The following RGS7 variants were observed in gnomAD, a reference collection of about 807,000 sequenced individuals.
RGS7 encodes regulator of G protein signaling 7.
Under a neutral mutation model 81.1 loss-of-function variants are expected in RGS7, and 27 were observed. That is an observed-to-expected ratio of 0.33 (90% CI 0.25 to 0.46). The LOEUF is 0.46. Ranked by LOEUF, RGS7 falls within the 20% of genes least tolerant of loss-of-function variation. The pLI is 1.00. For missense variants in RGS7, 396 were observed against 607.4 expected (o/e 0.65, Z 3.66); for synonymous variants, 208 against 207.7 (o/e 1.00, Z -0.01).
intron 6 of RGS7, among the ~76,000 whole-genome samples, chr1:240,887,122 A>G (rs566322673): frequency 6.6e-6 from 1 of 152,254 alleles, no homozygotes; most frequent in South Asian, 2.1e-4. Context: ...ATTACTAGAT[A>G]TATTGTACTT....
chr1:240,849,398 G>A (rs1659678665), intron 9 of RGS7, among the ~76,000 whole-genome samples: 2 of 152,100 alleles, frequency 1.3e-5, no homozygotes, highest in African/African-American at 4.8e-5. Context: ...TCCTCTCAAA[G>A]AAAAAGAAGT....
chr1:240,890,856 C>T (rs891657049), intron 6 of RGS7, among the ~76,000 whole-genome samples: 2 of 152,146 alleles, frequency 1.3e-5, no homozygotes, highest in Non-Finnish European at 2.9e-5. Context: ...ATATTTAGTA[C>T]AATCTCTGAT....
chr1:241,310,264 T>G (rs1374783023), intron 2 of RGS7, among the ~76,000 whole-genome samples: 1 of 152,210 alleles, frequency 6.6e-6, no homozygotes, highest in Non-Finnish European at 1.5e-5. Flanking sequence ...TTGACTGAAG[T>G]AGCACCCTGT....
At chr1:241,107,000 G>C (rs2065165325) in intron 2 of RGS7, among the ~76,000 whole-genome samples, 1 of 151,744 alleles carries the variant, frequency 6.6e-6, no homozygotes, top group Admixed American at 6.6e-5. Flanking sequence ...CACTGTGTTT[G>C]TTGGGATTAC....
At chr1:241,230,887 G>A (rs528750709) in intron 2 of RGS7, among the ~76,000 whole-genome samples, 1 of 152,308 alleles carries the variant, frequency 6.6e-6, no homozygotes, top group South Asian at 2.1e-4. Flanking sequence ...GAGCAAATTT[G>A]TCTACTGAGA....
Position 241,319,964 on chromosome 1 carries a change from G to A in RGS7, c.78+35735C>T, listed in dbSNP as rs577810458. On this transcript the variant is annotated intron_variant, in intron 2 of 18. Transcript: ENST00000440928. The stretch of plus-strand genomic sequence containing the variant: ...AAATTAGCTGGGCCTGGTGGTGTGC[G>A]CCTTTAATCCCAGCTACTCAGGAGG... Among the ~76,000 whole-genome samples, 188 of 152,088 alleles carry A rather than the reference G, an allele frequency of 1.2e-3. No homozygotes were observed. In the Middle Eastern group the frequency reaches 0.021, roughly 17 times the overall value.
intron 2 of RGS7, among the ~76,000 whole-genome samples, chr1:241,288,870 T>C (rs2078953624): frequency 6.6e-6 from 1 of 152,176 alleles, no homozygotes; most frequent in Non-Finnish European, 1.5e-5. Flanking sequence ...CACAGAAATG[T>C]TCCCTACCTG....
intron 2 of RGS7, among the ~76,000 whole-genome samples, chr1:241,140,676 G>T (rs1204478693): frequency 2.0e-5 from 3 of 152,124 alleles, no homozygotes; most frequent in Non-Finnish European, 4.4e-5. Flanking sequence ...CTCTCAAAAT[G>T]CTGAGAATAC....
intron 2 of RGS7, among the ~76,000 whole-genome samples, chr1:241,125,964 A>G (rs1055373676): frequency 1.3e-5 from 2 of 152,170 alleles, no homozygotes; most frequent in African/African-American, 4.8e-5. Context: ...ATGGAAGTTA[A>G]GTGACTCCCA....
chr1:241,170,256 T>TA (rs1360757101), intron 2 of RGS7, among the ~76,000 whole-genome samples: 2 of 152,226 alleles, frequency 1.3e-5, no homozygotes, highest in African/African-American at 4.8e-5. Flanking sequence ...AGATTTGAAA[T>TA]AACAGATAAA....
chr1:241,113,539 C>T (rs564017583), intron 2 of RGS7, among the ~76,000 whole-genome samples: 3 of 152,206 alleles, frequency 2.0e-5, no homozygotes, highest in East Asian at 3.9e-4. Flanking sequence ...AATTAAAATA[C>T]TGACTATATT....
At chr1:241,024,604 T>C (rs1417469669) in intron 3 of RGS7, among the ~76,000 whole-genome samples, 1 of 152,144 alleles carries the variant, frequency 6.6e-6, no homozygotes, top group Non-Finnish European at 1.5e-5. Flanking sequence ...TCAAATCAAA[T>C]ATAAATGTCA....
At chr1:240,799,623 G>A (rs569865976) in intron 18 of RGS7, among the ~76,000 whole-genome samples, 1 of 152,026 alleles carries the variant, frequency 6.6e-6, no homozygotes, top group African/African-American at 2.4e-5. Context: ...ATTATCTTGG[G>A]CCACACATAA....
intron 9 of RGS7, among the ~76,000 whole-genome samples, chr1:240,862,254 G>A (rs1273393008): frequency 6.6e-6 from 1 of 152,010 alleles, no homozygotes; most frequent in Admixed American, 6.6e-5. Flanking sequence ...ACCTAAAAGT[G>A]ACCTCATGGT....
chr1:241,324,339 A>AAC (rs1055913277), intron 2 of RGS7, among the ~76,000 whole-genome samples: 1 of 151,482 alleles, frequency 6.6e-6, no homozygotes, highest in African/African-American at 2.4e-5. Flanking sequence ...AAAGCAAAAA[A>AAC]AACAAAAAAA....
intron 15 of RGS7, among the ~76,000 whole-genome samples, chr1:240,805,355 CAGAG>C (rs1188291724): frequency 6.6e-6 from 1 of 151,316 alleles, no homozygotes; most frequent in African/African-American, 2.4e-5. Context: ...CTGTAGGTAA[CAGAG>C]AGAGAACTTG....
chr1:241,024,653 A>G (rs2148706933), intron 3 of RGS7, among the ~76,000 whole-genome samples: 1 of 152,372 alleles, frequency 6.6e-6, no homozygotes, highest in South Asian at 2.1e-4. Context: ...AGAATAAATT[A>G]TGGAGCAGAA....
At chr1:240,870,985 G>A (rs1486395400) in intron 6 of RGS7, among the ~76,000 whole-genome samples, 4 of 152,084 alleles carry the variant, frequency 2.6e-5, no homozygotes, top group African/African-American at 7.2e-5. Context: ...GATGGCCTGG[G>A]CTACCATGGA....
At chr1:241,098,895 T>G in intron 2 of RGS7, 133 bp from the exon 3 acceptor site, 1 of 695,422 alleles carries the variant, frequency 1.4e-6, no homozygotes, top group South Asian at 1.6e-5. Flanking sequence ...TTCTAGTTTT[T>G]GCCACATTAA....
Sources: allele counts gnomAD v4.1 joint callset (sites outside exome capture counted in the v4.1 genomes callset), GRCh38; gene constraint gnomAD v4.1.1; transcripts MANE v1.5; gene names NCBI Gene and HGNC (gene_info 2026-07-23, HGNC 2026-07-21).